CADPS2: variants seen among roughly 807,000 people sequenced by gnomAD.
CADPS2 encodes the protein calcium dependent secretion activator 2.
CADPS2 carries 93 observed loss-of-function variants against 172.5 expected under a neutral mutation model. That is an observed-to-expected ratio of 0.54 (90% CI 0.46 to 0.64). The LOEUF (loss-of-function observed/expected upper bound fraction) is 0.64, where lower values mean the gene tolerates loss of function less well. Ranked by LOEUF, CADPS2 falls within the 30% of genes least tolerant of loss-of-function variation. The pLI, the probability that CADPS2 is intolerant of heterozygous loss-of-function variation, is 0.00. For synonymous variants in CADPS2, 546 were observed against 555.2 expected (o/e 0.98, Z 0.23); for missense variants, 1,420 against 1,565.9 (o/e 0.91, Z 1.57).
chr7:122,736,731 T>A (rs1387198433), intron 2 of CADPS2, among the ~76,000 whole-genome samples: 1 of 152,188 alleles, frequency 6.6e-6, no homozygotes, highest in African/African-American at 2.4e-5. Context: ...TTACTTCTCC[T>A]CAAAAGATGT....
At chr7:122,407,226 G>C (rs1250483210) in intron 20 of CADPS2, among the ~76,000 whole-genome samples, 1 of 152,144 alleles carries the variant, frequency 6.6e-6, no homozygotes, top group African/African-American at 2.4e-5. Context: ...AAGTACTTTA[G>C]AAATGCCAGC....
chr7:122,693,827 G>A (rs952491982), intron 2 of CADPS2, among the ~76,000 whole-genome samples: 9 of 152,168 alleles, frequency 5.9e-5, no homozygotes, highest in East Asian at 1.9e-4. Flanking sequence ...TTAGCTGGGC[G>A]TGGTGGTGCA....
intron 1 of CADPS2, among the ~76,000 whole-genome samples, chr7:122,849,036 T>C (rs1007402706): frequency 3.9e-5 from 6 of 152,214 alleles, no homozygotes; most frequent in African/African-American, 1.4e-4. Flanking sequence ...AACCTTTCAA[T>C]CTTCTGATTC....
chr7:122,705,331 A>G (rs1255922672), intron 2 of CADPS2, among the ~76,000 whole-genome samples: 1 of 150,428 alleles, frequency 6.6e-6, no homozygotes, highest in Non-Finnish European at 1.5e-5. Context: ...CAATACATGG[A>G]CATTCTTTCT....
chr7:122,452,785 A>G (rs1469871937), intron 14 of CADPS2, among the ~76,000 whole-genome samples: 4 of 152,216 alleles, frequency 2.6e-5, no homozygotes, highest in Admixed American at 2.0e-4. Context: ...TATATATAAA[A>G]TAGGTAGAAA....
At chr7:122,610,479 T>C (rs2074159607) in intron 6 of CADPS2, among the ~76,000 whole-genome samples, 1 of 151,978 alleles carries the variant, frequency 6.6e-6, no homozygotes, top group East Asian at 1.9e-4. Context: ...ATGATTCCAT[T>C]TTTACAAACT....
At chr7:122,486,756 G>A (rs576311172) in intron 11 of CADPS2, among the ~76,000 whole-genome samples, 3 of 152,034 alleles carry the variant, frequency 2.0e-5, no homozygotes, top group Non-Finnish European at 4.4e-5. Context: ...AAAATCTTTC[G>A]TGAAAGAATC....
chr7:122,531,273 A>T (rs1344127086), intron 8 of CADPS2, among the ~76,000 whole-genome samples: 2 of 152,218 alleles, frequency 1.3e-5, no homozygotes, highest in African/African-American at 2.4e-5. Flanking sequence ...GAGAAAGAAG[A>T]AGAGGTGAAG....
chr7:122,425,614 CTG>C (rs2049068440), intron 17 of CADPS2, among the ~76,000 whole-genome samples: 1 of 151,498 alleles, frequency 6.6e-6, no homozygotes, highest in Non-Finnish European at 1.5e-5. Flanking sequence ...TCAAAAAAGA[CTG>C]TTCTTTAGCC....
chr7:122,511,094 G>A (rs2059972045), intron 9 of CADPS2, among the ~76,000 whole-genome samples: 1 of 152,072 alleles, frequency 6.6e-6, no homozygotes, highest in Non-Finnish European at 1.5e-5. Context: ...TTATAGTTTG[G>A]TGGTACTTTC....
At chr7:122,493,720 C>CTTT (rs10544810) in intron 9 of CADPS2, among the ~76,000 whole-genome samples, 51 of 131,606 alleles carry the variant, frequency 3.9e-4, no homozygotes, top group East Asian at 2.0e-3. Flanking sequence ...TATGTTTAAT[C>CTTT]TTTTTTTTTT....
chr7:122,362,971 T>C (rs1049668544), intron 25 of CADPS2, among the ~76,000 whole-genome samples: 4 of 152,206 alleles, frequency 2.6e-5, no homozygotes, highest in African/African-American at 9.6e-5. Flanking sequence ...TATAAGTGCA[T>C]TTTTAAAGAA....
chr7:122,735,885 A>G (rs1323948225), intron 2 of CADPS2, among the ~76,000 whole-genome samples: 1 of 152,148 alleles, frequency 6.6e-6, no homozygotes, highest in Non-Finnish European at 1.5e-5. Flanking sequence ...CAAATATTGA[A>G]TTTTACATGA....
chr7:122,870,609 G>T (rs886898459), intron 1 of CADPS2, among the ~76,000 whole-genome samples: 1 of 151,814 alleles, frequency 6.6e-6, no homozygotes, highest in African/African-American at 2.4e-5. Context: ...TTTCAAAATT[G>T]GTACACAAAT....
At chr7:122,610,635 C>T (rs1225178316) in intron 6 of CADPS2, among the ~76,000 whole-genome samples, 1 of 151,882 alleles carries the variant, frequency 6.6e-6, no homozygotes, top group African/African-American at 2.4e-5. Flanking sequence ...GATAGCTGCA[C>T]AAATGTATAA....
chr7:122,484,408 T>C (rs546495067), intron 11 of CADPS2, among the ~76,000 whole-genome samples: 1 of 152,008 alleles, frequency 6.6e-6, no homozygotes, highest in South Asian at 2.1e-4. Context: ...CAGGGTACGA[T>C]AATCTCTTCA....
chr7:122,473,217 C>A (rs1019262171), intron 13 of CADPS2, among the ~76,000 whole-genome samples: 2 of 152,148 alleles, frequency 1.3e-5, no homozygotes, highest in Non-Finnish European at 2.9e-5. Flanking sequence ...ACTGTTCAAA[C>A]TGTGTTCAAA....
chr7:122,340,850 T>C (rs1243546695), intron 28 of CADPS2, among the ~76,000 whole-genome samples: 1 of 127,590 alleles, frequency 7.8e-6, no homozygotes, highest in African/African-American at 3.0e-5. Context: ...TGATGCCTTA[T>C]GTGTTAAAAA....
At chr7:122,709,363 T>C (rs199528848) in intron 2 of CADPS2, among the ~76,000 whole-genome samples, 3 of 152,132 alleles carry the variant, frequency 2.0e-5, no homozygotes, top group East Asian at 1.9e-4. Flanking sequence ...TGAGATACCA[T>C]CTTACACCAG....
Sources: allele counts gnomAD v4.1 joint callset (sites outside exome capture counted in the v4.1 genomes callset), GRCh38; gene constraint gnomAD v4.1.1; transcripts MANE v1.5; gene names NCBI Gene and HGNC (gene_info 2026-07-23, HGNC 2026-07-21).